The following PCDHGA5 variants were observed in gnomAD, a reference collection of about 807,000 sequenced individuals.
PCDHGA5 encodes the protein protocadherin gamma-A5.
Under a neutral mutation model 56.7 loss-of-function variants are expected in PCDHGA5, and 36 were observed. That is an observed-to-expected ratio of 0.64 (90% CI 0.49 to 0.84). The LOEUF (loss-of-function observed/expected upper bound fraction) is 0.84. Among genes scored for constraint, PCDHGA5 ranks in the 40% least tolerant of loss-of-function variants. The pLI is 0.00. For synonymous variants in PCDHGA5, 563 were observed against 520.2 expected, an observed-to-expected ratio of 1.08 and a Z score of -1.12; for missense variants, 1,305 against 1,201.5, an observed-to-expected ratio of 1.09 and a Z score of -1.27.
intron 1 of PCDHGA5, chr5:141,428,729 A>T (rs1362138016): frequency 6.3e-6 from 1 of 159,768 alleles, no homozygotes; most frequent in East Asian, 1.8e-4. Flanking sequence ...AATCTTAAAC[A>T]TATTATATCT....
rs370704204 is a variant in PCDHGA5, at chr5:141,389,625, G to A, written c.2421+22874G>A. On this transcript the variant is annotated intron_variant, in intron 1 of 3. Coordinates refer to ENST00000518069, the MANE Select transcript of PCDHGA5 (RefSeq NM_018918.3). The stretch of plus-strand genomic sequence containing the variant: ...CTTCGATATGGTGCCGCACGCTGCA[G>A]AGCCTGGCTACTTGGTGACCAAGGT... 6 of 1,613,020 alleles carry A rather than the reference G, an allele frequency of 3.7e-6. No individual in the cohort carries two copies. The Admixed American group carries it at 5.0e-5, about 13-fold the overall frequency.
chr5:141,420,934 C>A (rs2096533899), intron 1 of PCDHGA5: 2 of 377,936 alleles, frequency 5.3e-6, no homozygotes, highest in South Asian at 5.3e-5. Flanking sequence ...TGAGCGTAAT[C>A]ATTTCTTCTG....
At chr5:141,390,865 T>C (rs982852872) in intron 1 of PCDHGA5, 3 of 151,096 alleles carry the variant, frequency 2.0e-5, no homozygotes, top group Non-Finnish European at 2.9e-5. Context: ...ACGCTGTGTG[T>C]GCGTGTGTGT....
At chr5:141,421,376 C>T in intron 1 of PCDHGA5, 2 of 1,614,030 alleles carry the variant, frequency 1.2e-6, no homozygotes, top group Non-Finnish European at 1.7e-6. Context: ...GGCAATATCT[C>T]CAAGGACCTG....
intron 1 of PCDHGA5, chr5:141,404,534 T>A: frequency 6.2e-7 from 1 of 1,613,954 alleles, no homozygotes; most frequent in Non-Finnish European, 8.5e-7. Context: ...GTTTAGAGAT[T>A]TGCAAATGCA....
chr5:141,459,259 G>T (rs996530664), intron 1 of PCDHGA5, among the ~76,000 whole-genome samples: 1 of 152,140 alleles, frequency 6.6e-6, no homozygotes, highest in Non-Finnish European at 1.5e-5. Context: ...ATAAATTAGT[G>T]TTGCCTCTTT....
At position 141,366,073 on chromosome 5, in the gene PCDHGA5, C is replaced by T. The variant is rs766163319; in HGVS notation, c.1743C>T (p.Ser581=). 3.7e-6 allele frequency: 6 copies of T among 1,614,234 alleles called. No individual in the cohort carries two copies. The highest frequency in any genetic ancestry group is 5.1e-6 in the Non-Finnish European group (6 of 1,180,036). ...CGGGCGTGGAGCTGGCGCCTCGCTC[C>T]GCAGAACCTGGCTACCTGGTGACCA... The part of the protein sequence containing the change: ...GSTGVELAPR[S]AEPGYLVTKV... Residue 581 remains serine (S), a synonymous_variant, in exon 1 of 4, where the codon TCC becomes TCT. Transcript: ENST00000518069.
chr5:141,364,946 A>G lies in PCDHGA5; in HGVS notation c.616A>G (p.Thr206Ala), dbSNP rs1467919510. Residue 206 changes from threonine to alanine, a missense_variant, in exon 1 of 4, where the codon ACT becomes GCT. By Grantham distance (58) the Thr-to-Ala change is moderately conservative. Coordinates refer to ENST00000518069, the MANE Select transcript of PCDHGA5 (RefSeq NM_018918.3). ...ACAGCCCCTAGACCGCGAGAAAGAG[A>G]CTGTTCACGACCTCCTCCTCACAGC... ...LEQPLDREKE[T>A]VHDLLLTALD... 1.2e-6 allele frequency: 2 copies of G among 1,613,848 alleles called. No homozygotes were observed. The highest frequency in any genetic ancestry group is 4.5e-5 in the East Asian group (2 of 44,864).
chr5:141,419,137 C>G, intron 1 of PCDHGA5: 2 of 1,613,892 alleles, frequency 1.2e-6, no homozygotes, highest in Non-Finnish European at 1.7e-6. Context: ...CAGCCACAGA[C>G]AGGGGCAAGC....
At chr5:141,419,803 T>C (rs2096436352) in intron 1 of PCDHGA5, 3 of 1,614,026 alleles carry the variant, frequency 1.9e-6, no homozygotes, top group Non-Finnish European at 2.5e-6. Context: ...CTGTAAGAGA[T>C]GGAGGACAGC....
intron 1 of PCDHGA5, chr5:141,372,604 C>A: frequency 6.2e-7 from 1 of 1,613,988 alleles, no homozygotes; most frequent in Non-Finnish European, 8.5e-7. Context: ...AAGACTGTAC[C>A]TGGAGTTCTC....
intron 1 of PCDHGA5, among the ~76,000 whole-genome samples, chr5:141,454,343 A>G (rs1161350416): frequency 2.6e-5 from 4 of 152,248 alleles, no homozygotes; most frequent in African/African-American, 7.2e-5. Flanking sequence ...AAATGTTGGA[A>G]GTTGATCCAA....
chr5:141,395,034 G>C, intron 1 of PCDHGA5: 1 of 1,614,150 alleles, frequency 6.2e-7, no homozygotes, highest in South Asian at 1.1e-5. Flanking sequence ...CTCACATTTT[G>C]TGGGTGTTGA....
At chr5:141,422,038 G>A (rs949164524) in intron 1 of PCDHGA5, 9 of 1,611,746 alleles carry the variant, frequency 5.6e-6, no homozygotes, top group Non-Finnish European at 7.6e-6. Context: ...AACGGATCCA[G>A]ACGAGGGAAT....
chr5:141,393,126 A>C (rs1216742718), intron 1 of PCDHGA5: 1 of 1,613,316 alleles, frequency 6.2e-7, no homozygotes, highest in East Asian at 2.2e-5. Context: ...GTGTCTGATA[A>C]ATATTAACAC....
chr5:141,378,847 A>G (rs1235220529), intron 1 of PCDHGA5: 2 of 152,214 alleles, frequency 1.3e-5, no homozygotes, highest in Non-Finnish European at 2.9e-5. Flanking sequence ...AGAGTTTTTG[A>G]CTGTCAATGA....
intron 1 of PCDHGA5, among the ~76,000 whole-genome samples, chr5:141,433,697 CGTG>C (rs1176871032): frequency 6.6e-6 from 1 of 152,020 alleles, no homozygotes; most frequent in Non-Finnish European, 1.5e-5. Context: ...ATTAGCCGGG[CGTG>C]GTGGTGCATG....
chr5:141,440,618 C>G (rs1287745652), intron 1 of PCDHGA5: 3 of 152,196 alleles, frequency 2.0e-5, no homozygotes, highest in South Asian at 2.1e-4. Context: ...GCAGAAGATC[C>G]TGATGTTGAG....
At chr5:141,427,584 A>G in intron 1 of PCDHGA5, 1 of 674,672 alleles carries the variant, frequency 1.5e-6, no homozygotes, top group Non-Finnish European at 2.7e-6. Context: ...CTCATCCAGC[A>G]CAAGCCTCAC....
Sources: gnomAD v4.1 joint callset for allele counts (sites outside exome capture counted in the v4.1 genomes callset) on GRCh38, gnomAD v4.1.1 for gene constraint, MANE v1.5 for transcripts, NCBI Gene and HGNC (gene_info 2026-07-23, HGNC 2026-07-21) for gene names.